Variants in WWOX observed in about 807,000 individuals in gnomAD.
WWOX encodes the protein WW domain-containing oxidoreductase.
In WWOX, 69 loss-of-function variants were observed where a neutral mutation model predicts 46.2. That is an observed-to-expected ratio of 1.49 (90% CI 1.23 to 1.82). WWOX has a LOEUF of 1.82. WWOX is among the 40% of genes most tolerant of loss of function. WWOX has a pLI of 0.00. For synonymous variants in WWOX, 359 were observed against 202.6 expected, an observed-to-expected ratio of 1.77 and a Z score of -6.56; for missense variants, 919 against 542.6, an observed-to-expected ratio of 1.69 and a Z score of -6.89.
chr16:78,670,348 C>T (rs1242029581), intron 8 of WWOX, among the ~76,000 whole-genome samples: 3 of 152,288 alleles, frequency 2.0e-5, no homozygotes, highest in Non-Finnish European at 4.4e-5. Flanking sequence ...CCAAGCTCCC[C>T]AGTGACCCTG....
At chr16:78,971,686 A>C (rs2046473446) in intron 8 of WWOX, among the ~76,000 whole-genome samples, 1 of 151,850 alleles carries the variant, frequency 6.6e-6, no homozygotes, top group African/African-American at 2.4e-5. Context: ...AAGTTAAAGC[A>C]TTGAGTCATG....
At chr16:78,340,833 A>G (rs1186776147) in intron 5 of WWOX, among the ~76,000 whole-genome samples, 1 of 118,178 alleles carries the variant, frequency 8.5e-6, no homozygotes, top group East Asian at 1.9e-4. Context: ...AAACATTTAC[A>G]AAGTCTGTGT....
intron 5 of WWOX, chr16:78,278,556 T>G: frequency 6.4e-7 from 1 of 1,560,110 alleles, no homozygotes; most frequent in Non-Finnish European, 8.8e-7. Context: ...TCTATGTTGT[T>G]CTCATAACTT....
chr16:79,143,041 GAAAAAA>G (rs1011983563), intron 8 of WWOX, among the ~76,000 whole-genome samples: 17 of 149,678 alleles, frequency 1.1e-4, no homozygotes, highest in Non-Finnish European at 4.4e-5. Flanking sequence ...GGAGATGACA[GAAAAAA>G]AAATAAAGGA....
chr16:78,765,160 C>A (rs73573753), intron 8 of WWOX, among the ~76,000 whole-genome samples: 1 of 152,094 alleles, frequency 6.6e-6, no homozygotes, highest in Admixed American at 6.5e-5. Flanking sequence ...TCACAGTGGC[C>A]CCACAGTGTG....
At chr16:79,159,162 T>C (rs1229187538) in intron 8 of WWOX, among the ~76,000 whole-genome samples, 1 of 152,196 alleles carries the variant, frequency 6.6e-6, no homozygotes, top group African/African-American at 2.4e-5. Flanking sequence ...TTTATTTCGC[T>C]TTAACAAGAG....
At position 79,074,434 on chromosome 16, in the gene WWOX, T is replaced by TTTTTTTTTTTTTTTTC. The variant is rs2048614450; in HGVS notation, c.1057-137166_1057-137165insTTTTTTTCTTTTTTTT. Among the ~76,000 whole-genome samples, 3 of 134,468 alleles carry TTTTTTTTTTTTTTTTC rather than the reference T, an allele frequency of 2.2e-5. 1 individual carries two copies. Among genetic ancestry groups the TTTTTTTTTTTTTTTTC allele is most frequent in the African/African-American group, 8.7e-5 (3 of 34,610 alleles). 88.2% of individuals were successfully genotyped at this position (134,468 alleles called of 152,430 possible). A position where few individuals can be genotyped will look rare whatever the true frequency, so the allele number is the denominator to read the frequency against. ...CTTTTTTTTTTTTTTTTTTTTTTTTTTTTTTTTTGGTCATATTTTCTCCAT... is the reference window on the plus strand; with the variant it reads ...CTTTTTTTTTTTTTTTTTTTTTTTTTTTTTTTTTTTTTTTTCTTTTTTTTGGTCATATTTTCTCCAT... On this transcript the variant is annotated intron_variant, in intron 8 of 8. Coordinates refer to ENST00000566780, the MANE Select transcript of WWOX (RefSeq NM_016373.4).
chr16:78,324,712 G>A (rs987366689), intron 5 of WWOX, among the ~76,000 whole-genome samples: 13 of 130,732 alleles, frequency 9.9e-5, no homozygotes, highest in South Asian at 2.6e-4. Context: ...GTGAGATTCC[G>A]TTCTGTGATA....
chr16:78,681,132 C>G (rs945044101), intron 8 of WWOX, among the ~76,000 whole-genome samples: 10 of 152,108 alleles, frequency 6.6e-5, no homozygotes, highest in African/African-American at 2.2e-4. Context: ...GCCTGTAGTC[C>G]CAGCTACTTT....
At position 78,400,901 on chromosome 16, in the gene WWOX, A is replaced by G. The variant is rs576514519; in HGVS notation, c.605+13953A>G. 4.4e-4 allele frequency among the ~76,000 whole-genome samples: 67 copies of G among 152,328 alleles called. 1 individual carries two copies. Among genetic ancestry groups the G allele is most frequent in the Admixed American group, 7.2e-4 (11 of 15,302 alleles). ...TGCAGTGGCACGATCACAGCTCACT[A>G]TGGCCTCAGCCACCAGGGTTCAAGT... On this transcript the variant is annotated intron_variant, in intron 6 of 8. Coordinates refer to ENST00000566780, the MANE Select transcript of WWOX (RefSeq NM_016373.4).
chr16:79,123,074 G>A (rs1404076901), intron 8 of WWOX, among the ~76,000 whole-genome samples: 1 of 152,180 alleles, frequency 6.6e-6, no homozygotes, highest in East Asian at 1.9e-4. Context: ...GCCTTCCAAG[G>A]GGAAAAGGTC....
intron 8 of WWOX, among the ~76,000 whole-genome samples, chr16:78,748,464 G>A (rs7188576): frequency 0.1 from 15,743 of 152,116 alleles, 1,998 homozygotes; most frequent in African/African-American, 0.29. Flanking sequence ...CTTAATCCAG[G>A]CATGCTGGCT....
chr16:78,403,319 T>G (rs1221905882), intron 6 of WWOX, among the ~76,000 whole-genome samples: 1 of 152,226 alleles, frequency 6.6e-6, no homozygotes, highest in Non-Finnish European at 1.5e-5. Flanking sequence ...CTTTGCATGA[T>G]GTGAATGAAA....
chr16:78,337,073 A>C (rs995145805), intron 5 of WWOX, among the ~76,000 whole-genome samples: 2 of 152,210 alleles, frequency 1.3e-5, no homozygotes, highest in Non-Finnish European at 1.5e-5. Flanking sequence ...CAGCTAGTGC[A>C]CCTGACCCTA....
chr16:78,622,046 C>G (rs1016447930), intron 8 of WWOX, among the ~76,000 whole-genome samples: 2 of 152,162 alleles, frequency 1.3e-5, no homozygotes, highest in East Asian at 3.9e-4. Context: ...CAGTTGTTAG[C>G]TGCTGAAGTT....
chr16:78,851,669 A>G (rs2052447150), intron 8 of WWOX, among the ~76,000 whole-genome samples: 1 of 152,226 alleles, frequency 6.6e-6, no homozygotes, highest in Non-Finnish European at 1.5e-5. Flanking sequence ...TGGCTGAGGC[A>G]ATACGTTTCA....
At chr16:78,981,867 C>G (rs543355295) in intron 8 of WWOX, 15 of 152,308 alleles carry the variant, frequency 9.8e-5, no homozygotes, top group African/African-American at 3.6e-4. Flanking sequence ...CTTCCTGTGT[C>G]CACTTTGCCA....
intron 5 of WWOX, among the ~76,000 whole-genome samples, chr16:78,294,207 C>G (rs1026411144): frequency 5.9e-5 from 9 of 152,038 alleles, no homozygotes; most frequent in African/African-American, 2.2e-4. Context: ...GAGCTGACTT[C>G]CTTCCACGAG....
At chr16:78,905,816 G>T (rs571365944) in intron 8 of WWOX, among the ~76,000 whole-genome samples, 1 of 152,128 alleles carries the variant, frequency 6.6e-6, no homozygotes, top group African/African-American at 2.4e-5. Flanking sequence ...GAGCTAAGGG[G>T]GAATCTGGAT....
Sources: allele counts gnomAD v4.1 joint callset (sites outside exome capture counted in the v4.1 genomes callset), GRCh38; gene constraint gnomAD v4.1.1; transcripts MANE v1.5; gene names NCBI Gene and HGNC (gene_info 2026-07-23, HGNC 2026-07-21).